The following SUGT1 variants were observed in gnomAD, a reference collection of about 807,000 sequenced individuals.
The protein encoded by SUGT1 is SGT1 assembly cochaperone of MIS12 kinetochore complex, also known as protein SGT1 homolog.
A neutral mutation model predicts 56.1 loss-of-function variants in SUGT1; 15 were observed. The observed-to-expected ratio is 0.27, with a 90% CI of 0.18 to 0.41. The LOEUF (loss-of-function observed/expected upper bound fraction) is 0.41, where lower values mean the gene tolerates loss of function less well. Ranked by LOEUF, SUGT1 falls within the 10% of genes least tolerant of loss-of-function variation. The pLI, the probability that SUGT1 is intolerant of heterozygous loss-of-function variation, is 1.00. For synonymous variants in SUGT1, 123 were observed against 128.6 expected, an observed-to-expected ratio of 0.96 and a Z score of 0.30; for missense variants, 347 against 382.2, an observed-to-expected ratio of 0.91 and a Z score of 0.77.
At chr13:52,670,456 T>G (rs1962883566) in intron 10 of SUGT1, among the ~76,000 whole-genome samples, 1 of 152,218 alleles carries the variant, frequency 6.6e-6, no homozygotes, top group Admixed American at 6.5e-5. Flanking sequence ...GTGACTTTAG[T>G]GGCACCCATA....
Position 52,659,020 on chromosome 13 carries a change from A to G in SUGT1, c.258-159A>G, listed in dbSNP as rs529078833. Among the ~76,000 whole-genome samples, 306 of 152,188 alleles carry G rather than the reference A, an allele frequency of 2.0e-3. 1 individual carries two copies. The highest frequency in any genetic ancestry group is 3.6e-3 in the Non-Finnish European group (248 of 67,964). ...ATTGAATTTTAGTAGGAATTGTACTAGATCTTAACAGTATATTAGAAAGTC... is the reference window on the plus strand; with the variant it reads ...ATTGAATTTTAGTAGGAATTGTACTGGATCTTAACAGTATATTAGAAAGTC... On this transcript the variant is annotated intron_variant, in intron 4 of 12. Transcript: ENST00000310528.
intron 12 of SUGT1, among the ~76,000 whole-genome samples, chr13:52,684,391 T>G (rs1217830115): frequency 1.4e-5 from 2 of 142,246 alleles, no homozygotes; most frequent in African/African-American, 5.2e-5. Flanking sequence ...AAGAATTAGC[T>G]CTTTGTTTCG....
At chr13:52,685,069 CTTT>C (rs71094315) in intron 12 of SUGT1, among the ~76,000 whole-genome samples, 7 of 141,078 alleles carry the variant, frequency 5.0e-5, no homozygotes, top group Admixed American at 7.1e-5. Flanking sequence ...CTTTTGGTGT[CTTT>C]TTTTTTTTTT....
intron 12 of SUGT1, among the ~76,000 whole-genome samples, chr13:52,683,593 C>A (rs1021058188): frequency 6.6e-6 from 1 of 152,114 alleles, no homozygotes; most frequent in African/African-American, 2.4e-5. Context: ...CAGAGTAATA[C>A]TTCATAAAAT....
chr13:52,662,987 G>A (rs972067902), intron 6 of SUGT1, 109 bp from the exon 7 acceptor site: 23 of 1,240,270 alleles, frequency 1.9e-5, no homozygotes, highest in South Asian at 4.3e-5. Context: ...TGAAAGGTAC[G>A]GAGAATTTGC....
intron 9 of SUGT1, among the ~76,000 whole-genome samples, chr13:52,666,607 A>G (rs867528035): frequency 1.8e-4 from 28 of 152,310 alleles, no homozygotes; most frequent in Middle Eastern, 3.4e-3. Flanking sequence ...AATGATGTCT[A>G]TAAGAATTCA....
In SUGT1 at chr13:52,694,400, C is replaced by A. The variant is rs568620966; in HGVS notation, c.*6565C>A. On this transcript the variant is annotated 3_prime_UTR_variant, in exon 13 of 13. Coordinates refer to ENST00000310528, the MANE Select transcript of SUGT1 (RefSeq NM_006704.5). ...TTGTACTTTGGAGAGCATAAGAATT[C>A]ATGAAAAGTTTTTAATAATTTTACT... is the stretch of plus-strand genomic sequence containing the variant. 2.6e-5 allele frequency: 4 copies of A among 152,254 alleles called. No individual in the cohort carries two copies. The highest frequency in any genetic ancestry group is 9.6e-5 in the African/African-American group (4 of 41,536). The allele number at this position is 152,254 out of a possible 1,614,324, so 9.4% of individuals were successfully genotyped here.
In SUGT1 at chr13:52,666,813, T is replaced by C. The variant is rs748766397; in HGVS notation, c.521T>C (p.Leu174Ser). ...TGATGCTAATTTTGTGTTCATTAGT[T>C]GTCTGCTTTGGTTAAACTTCCTTCT... ...DVNVEFSEKE[L>S]SALVKLPSGE... The change falls in exon 10 of 13, where the codon TTG becomes TCG. Residue 174 changes from leucine to serine, a missense_variant and splice_region_variant. Physicochemically the swap from Leu to Ser is moderately radical, Grantham distance 145 (BLOSUM62 -2). Coordinates refer to ENST00000310528, the MANE Select transcript of SUGT1 (RefSeq NM_006704.5). 6.2e-7 allele frequency: 1 copy of C among 1,610,144 alleles called. No individual in the cohort carries two copies. Among genetic ancestry groups the C allele is most frequent in the Non-Finnish European group, 8.5e-7 (1 of 1,177,074 alleles).
At chr13:52,670,461 C>G (rs1471511334) in intron 10 of SUGT1, among the ~76,000 whole-genome samples, 2 of 152,148 alleles carry the variant, frequency 1.3e-5, no homozygotes, top group Non-Finnish European at 1.5e-5. Flanking sequence ...TTTAGTGGCA[C>G]CCATATTGTG....
chr13:52,680,903 G>T (rs565647687), intron 12 of SUGT1, among the ~76,000 whole-genome samples: 1 of 152,086 alleles, frequency 6.6e-6, no homozygotes, highest in African/African-American at 2.4e-5. Flanking sequence ...GTACAGTGGC[G>T]TGATCTCGGC....
chr13:52,682,889 A>G (rs1427281217), intron 12 of SUGT1, among the ~76,000 whole-genome samples: 1 of 152,112 alleles, frequency 6.6e-6, no homozygotes. Context: ...GATTATATAT[A>G]ATTTTGGTGT....
chr13:52,658,506 G>A (rs1017107982), intron 4 of SUGT1, 38 bp downstream of exon 4: 1 of 1,567,670 alleles, frequency 6.4e-7, no homozygotes, highest in Non-Finnish European at 8.6e-7. Context: ...GCTTGGTATA[G>A]ATAGTAGGTA....
intron 2 of SUGT1, among the ~76,000 whole-genome samples, chr13:52,657,085 G>A (rs1488839547): frequency 1.3e-5 from 2 of 152,158 alleles, no homozygotes; most frequent in Non-Finnish European, 2.9e-5. Context: ...TGTATTGATT[G>A]TCTTAACCTC....
At chr13:52,664,087 A>G (rs997195193) in intron 8 of SUGT1, 30 bp downstream of exon 8, 20 of 1,602,170 alleles carry the variant, frequency 1.2e-5, no homozygotes, top group Middle Eastern at 1.7e-4. Context: ...AAAACAATGC[A>G]TGATAAATAT....
Position 52,696,991 on chromosome 13 carries a change from TTTTA to T in SUGT1, c.*9168_*9171del, listed in dbSNP as rs1297038844. On this transcript the variant is annotated 3_prime_UTR_variant, in exon 13 of 13. Coordinates refer to ENST00000310528, the MANE Select transcript of SUGT1 (RefSeq NM_006704.5). ...GGGGTGTCCTGATTTATTTTATTTA[TTTTA>T]TTTATTTATTTTTATTTTTTATTTT... The T allele has an allele frequency of 6.6e-6, 1 of 150,466 alleles. No homozygotes were observed. Among genetic ancestry groups the T allele is most frequent in the Non-Finnish European group, 1.5e-5 (1 of 67,594 alleles). The allele number at this position is 150,466 out of a possible 1,614,324, so 9.3% of individuals were successfully genotyped here. A position where few individuals can be genotyped will look rare whatever the true frequency, so the allele number is the denominator to read the frequency against.
chr13:52,684,262 T>C (rs915479929), intron 12 of SUGT1, among the ~76,000 whole-genome samples: 7 of 152,082 alleles, frequency 4.6e-5, no homozygotes, highest in African/African-American at 1.7e-4. Flanking sequence ...CTTATAATAG[T>C]AATTTGTGTC....
In SUGT1 at chr13:52,693,720, T is replaced by C. The variant is rs1294678015; in HGVS notation, c.*5885T>C. The C allele has an allele frequency of 1.3e-5, 2 of 152,204 alleles. No homozygotes were observed. The highest frequency in any genetic ancestry group is 2.9e-5 in the Non-Finnish European group (2 of 68,030). The allele number at this position is 152,204 out of a possible 1,614,324, so 9.4% of individuals were successfully genotyped here. A position where few individuals can be genotyped will look rare whatever the true frequency, so the allele number is the denominator to read the frequency against. On this transcript the variant is annotated 3_prime_UTR_variant, in exon 13 of 13. Transcript: ENST00000310528. ...TCAAAATACTAATGTTTTGTGTGTG[T>C]GTGTGTGTGTGCATGTGCATCTGTA...
In SUGT1 at chr13:52,687,809, G is replaced by C. The variant is rs764544653; in HGVS notation, c.976G>C (p.Asp326His). 1.2e-6 allele frequency: 2 copies of C among 1,601,574 alleles called. No homozygotes were observed. The highest frequency in any genetic ancestry group is 2.3e-5 in the East Asian group (1 of 44,052). The change falls in exon 13 of 13, where the codon GAT becomes CAT. Residue 326 changes from aspartate (D) to histidine (H), a missense_variant. By Grantham distance (81) the Asp-to-His change is moderately conservative. Transcript: ENST00000310528. ...AAGGAAAGTTGAAATCAATCCTCCT[G>C]ATGATATGGAATGGAAAAAGTACTA... ...GKRKVEINPP[D>H]DMEWKKY
chr13:52,662,706 T>G lies in SUGT1; in HGVS notation c.382+4T>G, dbSNP rs759101131. The G allele has an allele frequency of 6.2e-7, 1 of 1,613,060 alleles. No homozygotes were observed. Among genetic ancestry groups the G allele is most frequent in the Non-Finnish European group, 8.5e-7 (1 of 1,179,604 alleles). ...AGGTGTCAAGAAGCTCAGAATGGTA[T>G]GTGGGTCTCCCTTGGTATTTGTTTC... On this transcript the variant is annotated splice_donor_region_variant and intron_variant, in intron 6 of 12. Transcript: ENST00000310528.
Sources: gnomAD v4.1 joint callset for allele counts (sites outside exome capture counted in the v4.1 genomes callset) on GRCh38, gnomAD v4.1.1 for gene constraint, MANE v1.5 for transcripts, NCBI Gene and HGNC (gene_info 2026-07-23, HGNC 2026-07-21) for gene names.